SLF1: variants seen among roughly 807,000 people sequenced by gnomAD.
SLF1 encodes the protein SMC5-SMC6 complex localization factor protein 1.
In SLF1, 105 loss-of-function variants were observed where a neutral mutation model predicts 123.0. That is an observed-to-expected ratio of 0.85 (90% confidence interval 0.73 to 1.00). The LOEUF (loss-of-function observed/expected upper bound fraction) is 1.00. SLF1 is among the 50% of genes least tolerant of loss of function. SLF1 has a pLI of 0.00. For missense variants in SLF1, 1,239 were observed against 1,223.0 expected, an observed-to-expected ratio of 1.01 and a Z score of -0.20; for synonymous variants, 434 against 406.6, an observed-to-expected ratio of 1.07 and a Z score of -0.81.
rs896494573 is a variant in SLF1 at position 94,653,365 on chromosome 5, G to A, written c.976G>A (p.Val326Ile). 4.4e-5 allele frequency: 67 copies of A among 1,526,776 alleles called. No homozygotes were observed. Among genetic ancestry groups the A allele is most frequent in the South Asian group, 1.6e-4 (13 of 79,116 alleles). 94.6% of individuals were successfully genotyped at this position (1,526,776 alleles called of 1,614,324 possible). The stretch of plus-strand genomic sequence containing the variant: ...AAAAGAAAGCAATTGCAAGAAAGGC[G>A]TTGAACATGAAAAAATAAAAAGTAC... ...KGKESNCKKG[V>I]EHEKIKSTLR... The change falls in exon 8 of 21, where the codon GTT becomes ATT. Residue 326 changes from valine (V) to isoleucine (I), a missense_variant. Physicochemically the swap from Val to Ile is conservative, Grantham distance 29. Coordinates refer to ENST00000265140, the MANE Select transcript of SLF1 (RefSeq NM_032290.4).
chr5:94,663,822 G>A lies in SLF1; in HGVS notation c.1282G>A (p.Glu428Lys), dbSNP rs1749418047. ...ESLIEGHFFK[E>K]AIEELSTLQA... ...CCTCATAGAAGGACATTTTTTTAAA[G>A]AAGCAATTGAGGAACTTTCCACTTT... The change falls in exon 11 of 21, where the codon GAA (glutamate) becomes AAA (lysine). Residue 428 changes from glutamate (E) to lysine (K), a missense_variant. Glu to Lys is a moderately conservative substitution (Grantham distance 56). Coordinates refer to ENST00000265140, the MANE Select transcript of SLF1 (RefSeq NM_032290.4). 1 of 1,550,466 alleles carries A rather than the reference G, an allele frequency of 6.4e-7. No homozygotes were observed.
At chr5:94,655,597 T>C (rs1340689992) in intron 9 of SLF1, among the ~76,000 whole-genome samples, 1 of 152,178 alleles carries the variant, frequency 6.6e-6, no homozygotes, top group Admixed American at 6.5e-5. Context: ...GTCTTTCCAT[T>C]TGTTTGTGTC....
At chr5:94,692,342 A>T in intron 20 of SLF1, 86 bp downstream of exon 20, 1 of 1,340,546 alleles carries the variant, frequency 7.5e-7, no homozygotes, top group East Asian at 2.4e-5. Flanking sequence ...TTTATGTTTA[A>T]AATCTGTAAG....
chr5:94,651,570 C>G, intron 6 of SLF1, 132 bp from the exon 7 acceptor site: 1 of 577,298 alleles, frequency 1.7e-6, no homozygotes. Flanking sequence ...GTTCTTTACT[C>G]TATTTAACCT....
intron 14 of SLF1, 196 bp from the exon 15 acceptor site, chr5:94,678,611 CT>C (rs531736093): frequency 2.3e-6 from 1 of 432,986 alleles, no homozygotes; most frequent in East Asian, 3.7e-5. Context: ...TTTGTTAACT[CT>C]TTTGTCATGT....
chr5:94,635,334 C>T (rs11135407), intron 4 of SLF1, among the ~76,000 whole-genome samples: 28,890 of 126,952 alleles, frequency 0.23, 3,272 homozygotes, highest in East Asian at 0.37. Context: ...AGTACATACT[C>T]GGCTTTTTTT....
At chr5:94,657,635 G>A (rs772242705) in intron 9 of SLF1, among the ~76,000 whole-genome samples, 1 of 151,978 alleles carries the variant, frequency 6.6e-6, no homozygotes, top group African/African-American at 2.4e-5. Flanking sequence ...TTAGAATGGG[G>A]TATTAGAGTC....
chr5:94,671,532 G>A (rs2152490459), intron 14 of SLF1, among the ~76,000 whole-genome samples: 1 of 151,630 alleles, frequency 6.6e-6, no homozygotes, highest in Admixed American at 6.6e-5. Flanking sequence ...CATAACTTTG[G>A]CACATTTTGG....
rs1204626780 is a variant in SLF1, at chr5:94,691,575, C to T, written c.2431C>T (p.Leu811=). Residue 811 remains leucine (L), a synonymous_variant, in exon 19 of 21, where the codon CTG becomes TTG. Coordinates refer to ENST00000265140, the MANE Select transcript of SLF1 (RefSeq NM_032290.4). The part of the protein sequence containing the change: ...HKTNLKGETA[L]HRACINNQVE... ...ATTTTTTATGGCAGGAGAAACAGCCCTGCATAGAGCTTGCATAAATAACCA... is the reference window on the plus strand; with the variant it reads ...ATTTTTTATGGCAGGAGAAACAGCCTTGCATAGAGCTTGCATAAATAACCA... 1 of 1,609,256 alleles carries T rather than the reference C, an allele frequency of 6.2e-7. No homozygotes were observed. The highest frequency in any genetic ancestry group is 8.5e-7 in the Non-Finnish European group (1 of 1,178,710).
chr5:94,646,067 G>A (rs1453295523), intron 5 of SLF1, among the ~76,000 whole-genome samples: 1 of 152,090 alleles, frequency 6.6e-6, no homozygotes, highest in African/African-American at 2.4e-5. Context: ...CCTAAGCAAC[G>A]TAGCGAGACT....
chr5:94,693,990 C>T (rs564162325), intron 20 of SLF1, among the ~76,000 whole-genome samples: 6 of 151,894 alleles, frequency 4.0e-5, no homozygotes, highest in Admixed American at 6.6e-5. Flanking sequence ...CTCTTTCTGA[C>T]AATATGATCT....
In SLF1 at chr5:94,690,420, AATTAT is replaced by A. The variant is rs202245407; in HGVS notation, c.2419+819_2419+823del. Among the ~76,000 whole-genome samples the A allele has an allele frequency of 4.6e-3, 706 of 152,308 alleles. 9 individuals carry two copies. The highest frequency in any genetic ancestry group is 0.016 in the African/African-American group (656 of 41,574). On this transcript the variant is annotated intron_variant, in intron 18 of 20. Transcript: ENST00000265140. ...CTGTCCATTTGACTTGGAATATGAA[AATTAT>A]ATTAGATGAGAACTCAGATATTAAT...
intron 5 of SLF1, among the ~76,000 whole-genome samples, chr5:94,645,796 A>G (rs1202924954): frequency 1.3e-5 from 2 of 152,228 alleles, no homozygotes; most frequent in Non-Finnish European, 2.9e-5. Context: ...AACCAATCCA[A>G]ATAAGGAAGG....
intron 20 of SLF1, among the ~76,000 whole-genome samples, chr5:94,693,129 G>A (rs749199250): frequency 5.9e-5 from 9 of 152,008 alleles, no homozygotes; most frequent in South Asian, 2.1e-4. Context: ...GACAAAAAGC[G>A]TATTTTCTTA....
At chr5:94,635,340 T>A (rs1745646007) in intron 4 of SLF1, among the ~76,000 whole-genome samples, 1 of 145,368 alleles carries the variant, frequency 6.9e-6, no homozygotes, top group Non-Finnish European at 1.5e-5. Flanking sequence ...TACTCGGCTT[T>A]TTTTTTTTTT....
chr5:94,646,536 A>G (rs1747081825), intron 5 of SLF1, among the ~76,000 whole-genome samples: 1 of 152,234 alleles, frequency 6.6e-6, no homozygotes, highest in Non-Finnish European at 1.5e-5. Flanking sequence ...TGTGCAAGGT[A>G]CAGGAATACA....
intron 14 of SLF1, among the ~76,000 whole-genome samples, chr5:94,672,996 C>G (rs1333706367): frequency 6.6e-6 from 1 of 152,192 alleles, no homozygotes; most frequent in African/African-American, 2.4e-5. Flanking sequence ...AAGGACTATT[C>G]TAATCCAATG....
intron 4 of SLF1, among the ~76,000 whole-genome samples, chr5:94,637,552 C>G (rs143640542): frequency 1.6e-4 from 25 of 152,060 alleles, no homozygotes; most frequent in Non-Finnish European, 3.1e-4. Flanking sequence ...AGAATTGCTG[C>G]TTAAGATGGA....
chr5:94,694,165 G>A (rs548569236), intron 20 of SLF1, among the ~76,000 whole-genome samples: 1 of 151,926 alleles, frequency 6.6e-6, no homozygotes, highest in East Asian at 1.9e-4. Flanking sequence ...GTTATGTTTT[G>A]CCTTCTCCAC....
Sources: gnomAD v4.1 joint callset for allele counts (sites outside exome capture counted in the v4.1 genomes callset) on GRCh38, gnomAD v4.1.1 for gene constraint, MANE v1.5 for transcripts, NCBI Gene and HGNC (gene_info 2026-07-23, HGNC 2026-07-21) for gene names.